SOX30: variants seen among roughly 807,000 people sequenced by gnomAD.
The protein encoded by SOX30 is SRY-box transcription factor 30, also known as transcription factor SOX-30.
In SOX30, 17 loss-of-function variants were observed where a neutral mutation model predicts 58.6. The ratio of observed to expected loss-of-function variants is 0.29; its 90% CI spans 0.20 to 0.44. The LOEUF (loss-of-function observed/expected upper bound fraction) is 0.44. Ranked by LOEUF, SOX30 falls within the 20% of genes least tolerant of loss-of-function variation. The probability of loss-of-function intolerance (pLI) is 1.00; values close to 1 mark genes in which losing one functional copy is unlikely to be tolerated. For missense variants in SOX30, 951 were observed against 965.8 expected, an observed-to-expected ratio of 0.98 and a Z score of 0.20; for synonymous variants, 421 against 400.2, an observed-to-expected ratio of 1.05 and a Z score of -0.62.
intron 4 of SOX30, among the ~76,000 whole-genome samples, chr5:157,630,745 G>T (rs1470348433): frequency 6.7e-6 from 1 of 150,362 alleles, no homozygotes; most frequent in African/African-American, 2.4e-5. Context: ...AGATCAGTTA[G>T]AGTTAAAAGC....
intron 1 of SOX30, among the ~76,000 whole-genome samples, chr5:157,668,699 G>A (rs1040049706): frequency 6.6e-6 from 1 of 152,120 alleles, no homozygotes; most frequent in Non-Finnish European, 1.5e-5. Context: ...ATCAGTGATG[G>A]GGACCTGCAG....
intron 2 of SOX30, among the ~76,000 whole-genome samples, chr5:157,667,550 A>G (rs930223299): frequency 6.6e-6 from 1 of 152,170 alleles, no homozygotes; most frequent in Non-Finnish European, 1.5e-5. Context: ...CCTGGCCAAC[A>G]TGGTGAAACC....
rs757726246 is a variant in SOX30 at position 157,651,226 on chromosome 5, T to C, written c.853A>G (p.Arg285Gly). The C allele has an allele frequency of 1.7e-5, 27 of 1,613,902 alleles. No homozygotes were observed. In the East Asian group the frequency reaches 5.8e-4, roughly 35 times the overall value. The change falls in exon 1 of 5, where the codon AGA becomes GGA. Residue 285 changes from arginine (R) to glycine (G), a missense_variant. By Grantham distance (125) the Arg-to-Gly change is moderately radical. Transcript: ENST00000265007. ...FQGAPPSELI[R>G]LTKVPLTPVP... ...GGTGTCAGGGGGACCTTGGTCAATCTTATCAGCTCTGAAGGCGGAGCTCCC... is the reference window on the plus strand; with the variant it reads ...GGTGTCAGGGGGACCTTGGTCAATCCTATCAGCTCTGAAGGCGGAGCTCCC...
At chr5:157,670,847 T>A (rs894334745) in intron 1 of SOX30, among the ~76,000 whole-genome samples, 3 of 152,196 alleles carry the variant, frequency 2.0e-5, no homozygotes, top group Admixed American at 1.3e-4. Flanking sequence ...CGGAAGCAAG[T>A]CTTTCTGGTC....
At chr5:157,670,448 C>T (rs1399954230) in intron 1 of SOX30, among the ~76,000 whole-genome samples, 1 of 152,148 alleles carries the variant, frequency 6.6e-6, no homozygotes, top group Non-Finnish European at 1.5e-5. Context: ...AGAGTTTTAT[C>T]AGGGCTTGGC....
In SOX30 at chr5:157,626,535, C is replaced by T; in HGVS notation, c.2067G>A (p.Glu689=). 1 of 1,614,174 alleles carries T rather than the reference C, an allele frequency of 6.2e-7. No homozygotes were observed. The highest frequency in any genetic ancestry group is 8.5e-7 in the Non-Finnish European group (1 of 1,180,028). ...CTHSENSRSC[E]NMNGTSYYNS... The stretch of plus-strand genomic sequence containing the variant: ...TATAGTAAGAAGTTCCATTCATGTT[C>T]TCACAACTCCGAGAATTTTCACTGT... Residue 689 remains glutamate, a synonymous_variant, in exon 5 of 5, where the codon GAG becomes GAA. Transcript: ENST00000265007.
chr5:157,632,501 C>A (rs924821799), intron 4 of SOX30, among the ~76,000 whole-genome samples: 1 of 152,140 alleles, frequency 6.6e-6, no homozygotes, highest in Admixed American at 6.6e-5. Context: ...GTAATCCCAG[C>A]TACTCGGGAG....
chr5:157,652,144 C>T lies in SOX30; in HGVS notation c.-66G>A, dbSNP rs188639331. On this transcript the variant is annotated 5_prime_UTR_variant, in exon 1 of 5. Coordinates refer to ENST00000265007, the MANE Select transcript of SOX30 (RefSeq NM_178424.2). ...GTTTGTTGGCGACCTTCCCCCTCCC[C>T]CTTTCGGTTAAGAGCCTTGCAAGGC... is the stretch of plus-strand genomic sequence containing the variant. 1.6e-5 allele frequency: 22 copies of T among 1,380,992 alleles called. No individual in the cohort carries two copies. The highest frequency in any genetic ancestry group is 2.6e-4 in the Middle Eastern group (1 of 3,792). The allele number at this position is 1,380,992 out of a possible 1,614,324, so 85.5% of individuals were successfully genotyped here.
At chr5:157,650,029 T>C (rs1759290568) in intron 1 of SOX30, among the ~76,000 whole-genome samples, 1 of 152,160 alleles carries the variant, frequency 6.6e-6, no homozygotes, top group Non-Finnish European at 1.5e-5. Context: ...AGCATCTCTT[T>C]TTCATAAAAT....
At chr5:157,641,511 G>C (rs1374766952) in intron 3 of SOX30, among the ~76,000 whole-genome samples, 1 of 152,158 alleles carries the variant, frequency 6.6e-6, no homozygotes, top group Non-Finnish European at 1.5e-5. Context: ...TACTCTGGAG[G>C]CTGAGGCAGG....
intron 2 of SOX30, among the ~76,000 whole-genome samples, chr5:157,659,205 C>T (rs1759532867): frequency 6.6e-6 from 1 of 152,234 alleles, no homozygotes; most frequent in African/African-American, 2.4e-5. Context: ...TCACTTTACT[C>T]TGTGGACTCA....
rs555324884 is a variant in SOX30 at position 157,650,145 on chromosome 5, TTATTA to T, written c.967+962_967+966del. ...TTATCAAAAATAACTGTCCATAAATTTATTATATTATTTTAGGATTACTTCATATA... is the reference window on the plus strand; with the variant it reads ...TTATCAAAAATAACTGTCCATAAATTTATTATTTTAGGATTACTTCATATA... On this transcript the variant is annotated intron_variant, in intron 1 of 4. Coordinates refer to ENST00000265007, the MANE Select transcript of SOX30 (RefSeq NM_178424.2). Among the ~76,000 whole-genome samples, 1,062 of 152,206 alleles carry T rather than the reference TTATTA, an allele frequency of 7.0e-3. 10 individuals carry two copies. The highest frequency in any genetic ancestry group is 0.024 in the African/African-American group (999 of 41,556).
chr5:157,658,896 A>G (rs1186425860), intron 2 of SOX30, among the ~76,000 whole-genome samples: 2 of 152,236 alleles, frequency 1.3e-5, no homozygotes, highest in African/African-American at 4.8e-5. Context: ...AATACAGGTC[A>G]TAAACAGCTT....
chr5:157,659,066 A>G (rs947105617), intron 2 of SOX30, among the ~76,000 whole-genome samples: 7 of 152,226 alleles, frequency 4.6e-5, no homozygotes, highest in African/African-American at 1.7e-4. Context: ...TATATGGTCT[A>G]AAAAGGGATG....
chr5:157,653,288 T>C (rs1033742256), upstream of SOX30, among the ~76,000 whole-genome samples: 1 of 152,208 alleles, frequency 6.6e-6, no homozygotes, highest in African/African-American at 2.4e-5. Flanking sequence ...CCTCTATCAC[T>C]TGGTTTGCTT....
At chr5:157,659,928 CTTA>C (rs1013261477) in intron 2 of SOX30, among the ~76,000 whole-genome samples, 3 of 152,138 alleles carry the variant, frequency 2.0e-5, no homozygotes, top group Non-Finnish European at 4.4e-5. Flanking sequence ...TACCAAGGTT[CTTA>C]TTATGCAGAT....
intron 2 of SOX30, among the ~76,000 whole-genome samples, chr5:157,647,684 A>G (rs1299836140): frequency 3.3e-5 from 5 of 151,802 alleles, no homozygotes; most frequent in African/African-American, 1.2e-4. Flanking sequence ...CCTCCCAAGT[A>G]GCTGGGACTA....
upstream of SOX30, among the ~76,000 whole-genome samples, chr5:157,655,101 T>C (rs1299805334): frequency 1.3e-5 from 2 of 152,196 alleles, no homozygotes; most frequent in Non-Finnish European, 2.9e-5. Context: ...TTCTTTCTGG[T>C]GACCCAGGTG....
At chr5:157,660,150 GTT>G (rs1391896681) in intron 2 of SOX30, among the ~76,000 whole-genome samples, 1 of 152,236 alleles carries the variant, frequency 6.6e-6, no homozygotes, top group Non-Finnish European at 1.5e-5. Flanking sequence ...GCCTGGTGCA[GTT>G]GTTCATGCCT....
Sources: allele counts gnomAD v4.1 joint callset (sites outside exome capture counted in the v4.1 genomes callset), GRCh38; gene constraint gnomAD v4.1.1; transcripts MANE v1.5; gene names NCBI Gene and HGNC (gene_info 2026-07-23, HGNC 2026-07-21).